ENOX1: variants seen among roughly 807,000 people sequenced by gnomAD.
ENOX1 encodes candidate growth-related and time keeping constitutive hydroquinone (NADH) oxidase.
ENOX1 carries 42 observed loss-of-function variants against 82.5 expected under a neutral mutation model. That is an observed-to-expected ratio of 0.51 (90% CI 0.40 to 0.66). The LOEUF is 0.66. ENOX1 is among the 30% of genes least tolerant of loss of function. The pLI is 0.00. For synonymous variants in ENOX1, 271 were observed against 282.2 expected, an observed-to-expected ratio of 0.96 and a Z score of 0.40; for missense variants, 608 against 811.6, an observed-to-expected ratio of 0.75 and a Z score of 3.05.
Position 43,411,983 on chromosome 13 carries a change from G to A in ENOX1, c.141C>T (p.Ala47=). ...CCAGGTTATTCATGGCTGTAGCCCA[G>A]GCTGTGGGATCTGTCACGGACATGT... ...QLNMSVTDPT[A]WATAMNNLGM... The change falls in exon 5 of 17, where the codon GCC becomes GCT. Residue 47 remains alanine (A), a synonymous_variant. Coordinates refer to ENST00000690772, the MANE Select transcript of ENOX1 (RefSeq NM_001347969.2). The A allele has an allele frequency of 3.1e-6, 5 of 1,614,180 alleles. No individual in the cohort carries two copies. Among genetic ancestry groups the A allele is most frequent in the Non-Finnish European group, 4.2e-6 (5 of 1,180,032 alleles).
At chr13:43,621,586 C>T (rs2082734028) in intron 2 of ENOX1, among the ~76,000 whole-genome samples, 1 of 152,188 alleles carries the variant, frequency 6.6e-6, no homozygotes, top group Non-Finnish European at 1.5e-5. Flanking sequence ...GGGTCCCAAT[C>T]CCGTCTAGCT....
intron 5 of ENOX1, among the ~76,000 whole-genome samples, chr13:43,368,995 T>C (rs1379309874): frequency 6.6e-6 from 1 of 152,128 alleles, no homozygotes; most frequent in Non-Finnish European, 1.5e-5. Context: ...ATGCCTCTAG[T>C]GACACTGCAC....
At chr13:43,538,781 T>G (rs1050985041) in intron 2 of ENOX1, among the ~76,000 whole-genome samples, 3 of 151,446 alleles carry the variant, frequency 2.0e-5, no homozygotes, top group African/African-American at 7.3e-5. Context: ...TTGTTTGAGG[T>G]TGAAAATGTT....
At chr13:43,599,775 T>C (rs1412431578) in intron 2 of ENOX1, among the ~76,000 whole-genome samples, 1 of 150,800 alleles carries the variant, frequency 6.6e-6, no homozygotes, top group Admixed American at 6.6e-5. Context: ...TCCTTACTTC[T>C]GCTTGAGATG....
chr13:43,429,559 G>A (rs2055536306), intron 3 of ENOX1, among the ~76,000 whole-genome samples: 1 of 152,110 alleles, frequency 6.6e-6, no homozygotes, highest in Non-Finnish European at 1.5e-5. Flanking sequence ...AATTCCTTTG[G>A]TTCAGTAGAT....
chr13:43,447,487 G>T (rs1268634585), intron 3 of ENOX1, among the ~76,000 whole-genome samples: 2 of 151,946 alleles, frequency 1.3e-5, no homozygotes, highest in Non-Finnish European at 1.5e-5. Flanking sequence ...ATAGGAGAGG[G>T]GTAGGAACCC....
intron 14 of ENOX1, among the ~76,000 whole-genome samples, chr13:43,264,843 A>T (rs1475412571): frequency 6.6e-6 from 1 of 152,242 alleles, no homozygotes; most frequent in Non-Finnish European, 1.5e-5. Context: ...AGGAACACTA[A>T]GAGAGGAAGT....
intron 2 of ENOX1, among the ~76,000 whole-genome samples, chr13:43,606,224 T>A (rs1291346324): frequency 6.6e-6 from 1 of 152,172 alleles, no homozygotes; most frequent in Non-Finnish European, 1.5e-5. Context: ...TGTAAATTAG[T>A]ATAACCACTA....
intron 1 of ENOX1, among the ~76,000 whole-genome samples, chr13:43,736,101 G>T (rs1187034173): frequency 6.6e-6 from 1 of 152,040 alleles, no homozygotes; most frequent in Non-Finnish European, 1.5e-5. Context: ...ATCGTTTAAT[G>T]TACCTTATTG....
intron 1 of ENOX1, among the ~76,000 whole-genome samples, chr13:43,741,492 G>T (rs1002255361): frequency 6.6e-6 from 1 of 152,164 alleles, no homozygotes; most frequent in African/African-American, 2.4e-5. Context: ...AGCTGGTGTG[G>T]TATCTCATAG....
intron 2 of ENOX1, among the ~76,000 whole-genome samples, chr13:43,543,619 A>G (rs2078839897): frequency 6.6e-6 from 1 of 151,358 alleles, no homozygotes; most frequent in Non-Finnish European, 1.5e-5. Flanking sequence ...ATGCCTTTAG[A>G]ACAAAATAGT....
intron 2 of ENOX1, among the ~76,000 whole-genome samples, chr13:43,617,811 T>C (rs2082547063): frequency 6.6e-6 from 1 of 152,228 alleles, no homozygotes; most frequent in South Asian, 2.1e-4. Context: ...CTGTTTTCCA[T>C]AGCAGCTATG....
At chr13:43,384,954 T>C (rs1218179825) in intron 5 of ENOX1, among the ~76,000 whole-genome samples, 9 of 152,122 alleles carry the variant, frequency 5.9e-5, no homozygotes, top group Non-Finnish European at 1.3e-4. Flanking sequence ...AGGCTGTTCA[T>C]TGGTTAGTTT....
chr13:43,672,699 TAAG>T (rs1409082838), intron 1 of ENOX1, among the ~76,000 whole-genome samples: 2 of 152,124 alleles, frequency 1.3e-5, no homozygotes, highest in Non-Finnish European at 2.9e-5. Context: ...GTTCTAATAA[TAAG>T]GAATTAGAGA....
intron 1 of ENOX1, among the ~76,000 whole-genome samples, chr13:43,675,159 C>G (rs1288592106): frequency 6.6e-6 from 1 of 152,162 alleles, no homozygotes; most frequent in African/African-American, 2.4e-5. Context: ...AAATGGATCA[C>G]AGAGAGGCAA....
In ENOX1 at chr13:43,592,823, G is replaced by A. The variant is rs534491608; in HGVS notation, c.-219+74656C>T. 4.6e-5 allele frequency among the ~76,000 whole-genome samples: 7 copies of A among 152,234 alleles called. No homozygotes were observed. The South Asian group carries it at 1.5e-3, about 32-fold the overall frequency. ...AATGTTCATCACAAATTCTCCTAAA[G>A]TCACATTAGGATCTGATAAAATCAA... On this transcript the variant is annotated intron_variant, in intron 2 of 16. Coordinates refer to ENST00000690772, the MANE Select transcript of ENOX1 (RefSeq NM_001347969.2).
At chr13:43,419,741 G>C (rs971736017) in intron 3 of ENOX1, among the ~76,000 whole-genome samples, 6 of 152,174 alleles carry the variant, frequency 3.9e-5, no homozygotes, top group African/African-American at 1.4e-4. Context: ...GGAGGCCGAG[G>C]TGGGTGGATC....
intron 8 of ENOX1, among the ~76,000 whole-genome samples, chr13:43,352,773 A>G (rs774061516): frequency 2.0e-5 from 3 of 152,174 alleles, no homozygotes; most frequent in Non-Finnish European, 4.4e-5. Context: ...CTCTGGTTTC[A>G]GAAGGTCAAG....
intron 5 of ENOX1, among the ~76,000 whole-genome samples, chr13:43,389,445 C>T (rs1478768305): frequency 6.6e-6 from 1 of 152,144 alleles, no homozygotes; most frequent in Non-Finnish European, 1.5e-5. Flanking sequence ...TTATACAGGG[C>T]AATTTTGGAA....
Sources: gnomAD v4.1 joint callset for allele counts (sites outside exome capture counted in the v4.1 genomes callset) on GRCh38, gnomAD v4.1.1 for gene constraint, MANE v1.5 for transcripts, NCBI Gene and HGNC (gene_info 2026-07-23, HGNC 2026-07-21) for gene names.